The following DSCAM variants were observed in gnomAD, a reference collection of about 807,000 sequenced individuals.
DSCAM encodes DS cell adhesion molecule.
In DSCAM, 47 loss-of-function variants were observed where a neutral mutation model predicts 217.7. That is an observed-to-expected ratio of 0.22 (90% CI 0.17 to 0.28). The LOEUF is 0.28. Among genes scored for constraint, DSCAM ranks in the 10% least tolerant of loss-of-function variants. The probability of loss-of-function intolerance (pLI) is 1.00; values close to 1 mark genes in which losing one functional copy is unlikely to be tolerated. For missense variants in DSCAM, 2,080 were observed against 2,618.3 expected, an observed-to-expected ratio of 0.79 and a Z score of 4.49; for synonymous variants, 1,056 against 1,015.3, an observed-to-expected ratio of 1.04 and a Z score of -0.76.
In DSCAM at chr21:40,433,346, TAAAAAAA is replaced by T. The variant is rs10678618; in HGVS notation, c.509-64108_509-64102del. 1.5e-4 allele frequency among the ~76,000 whole-genome samples: 14 copies of T among 93,720 alleles called. No homozygotes were observed. In the East Asian group the frequency reaches 3.7e-3, roughly 25 times the overall value. The allele number at this position is 93,720 out of a possible 152,430, so 61.5% of individuals were successfully genotyped here. A position where few individuals can be genotyped will look rare whatever the true frequency, so the allele number is the denominator to read the frequency against. Reference sequence around the variant, plus strand: ...TTGGGTGACAGAGTAAGACTCCGTCTAAAAAAAAAAAAAAAAAAAAAGAGCACCTGCA... The same window carrying T: ...TTGGGTGACAGAGTAAGACTCCGTCTAAAAAAAAAAAAAAGAGCACCTGCA... On this transcript the variant is annotated intron_variant, in intron 3 of 32. Transcript: ENST00000400454.
At chr21:40,370,874 G>C (rs1035421830) in intron 3 of DSCAM, among the ~76,000 whole-genome samples, 1 of 151,934 alleles carries the variant, frequency 6.6e-6, no homozygotes, top group African/African-American at 2.4e-5. Context: ...CACCCGTCTT[G>C]GCCTCCCAAA....
intron 27 of DSCAM, among the ~76,000 whole-genome samples, chr21:40,072,613 GC>G (rs2146540092): frequency 1.3e-5 from 2 of 152,252 alleles, no homozygotes; most frequent in East Asian, 1.9e-4. Context: ...CTCCCAAAGT[GC>G]TAGGATTACA....
At chr21:40,500,349 T>C (rs1346617991) in intron 3 of DSCAM, among the ~76,000 whole-genome samples, 1 of 152,240 alleles carries the variant, frequency 6.6e-6, no homozygotes, top group Non-Finnish European at 1.5e-5. Context: ...CTTATTTCTG[T>C]AGTCTATGTC....
intron 27 of DSCAM, among the ~76,000 whole-genome samples, chr21:40,072,467 C>T (rs917089479): frequency 1.3e-5 from 2 of 151,944 alleles, no homozygotes; most frequent in South Asian, 2.1e-4. Context: ...CTGCCTCAGC[C>T]TCCCAAGTAG....
chr21:40,612,638 T>C (rs1440568365), intron 3 of DSCAM, among the ~76,000 whole-genome samples: 1 of 152,210 alleles, frequency 6.6e-6, no homozygotes, highest in Non-Finnish European at 1.5e-5. Context: ...ACATAGCCAA[T>C]GGCAGTTTTA....
At chr21:40,753,619 G>C (rs1014484545) in intron 1 of DSCAM, among the ~76,000 whole-genome samples, 4 of 152,182 alleles carry the variant, frequency 2.6e-5, no homozygotes, top group African/African-American at 9.7e-5. Flanking sequence ...AGAGTAGCCA[G>C]AGGTAGGCTT....
chr21:40,312,287 A>G lies in DSCAM; in HGVS notation c.1856T>C (p.Val619Ala). ...CGTGATGGGTAAGTCCCCTGAGACC[A>G]CAACACAGGGGATGAAGACCCGCTG... Reference protein sequence around the residue: ...IGQRVFIPCVVVSGDLPITIT... With the variant: ...IGQRVFIPCVAVSGDLPITIT... Residue 619 changes from valine (V) to alanine (A), a missense_variant, in exon 9 of 33, where the codon GTG (valine) becomes GCG (alanine). Val to Ala is a moderately conservative substitution (Grantham distance 64). Around this residue, in one of 5 missense-constraint regions of DSCAM, gnomAD observed 218 missense variants for 364.1 expected, o/e 0.60. Coordinates refer to ENST00000400454, the MANE Select transcript of DSCAM (RefSeq NM_001389.5). 1 of 1,614,152 alleles carries G rather than the reference A, an allele frequency of 6.2e-7. No homozygotes were observed. Among genetic ancestry groups the G allele is most frequent in the Non-Finnish European group, 8.5e-7 (1 of 1,180,022 alleles).
intron 6 of DSCAM, 98 bp downstream of exon 6, chr21:40,347,572 A>C (rs2074572326): frequency 2.0e-6 from 3 of 1,521,160 alleles, no homozygotes; most frequent in South Asian, 2.5e-5. Context: ...AGAGCCTAGA[A>C]CTGAGCGATC....
At chr21:40,659,715 G>A (rs993055174) in intron 3 of DSCAM, among the ~76,000 whole-genome samples, 2 of 151,760 alleles carry the variant, frequency 1.3e-5, no homozygotes, top group African/African-American at 2.4e-5. Context: ...TCTATCGATC[G>A]ATCCATCCAT....
rs916103973 is a variant in DSCAM at position 40,257,007 on chromosome 21, C to A, written c.2356+19090G>T. 3.7e-4 allele frequency among the ~76,000 whole-genome samples: 56 copies of A among 152,208 alleles called. 1 individual carries two copies. Among genetic ancestry groups the A allele is most frequent in the Admixed American group, 3.5e-3 (53 of 15,274 alleles). On this transcript the variant is annotated intron_variant, in intron 11 of 32. Coordinates refer to ENST00000400454, the MANE Select transcript of DSCAM (RefSeq NM_001389.5). ...TCCTTTGGTGATGTTCATGCCTCTC[C>A]TTAATGTCCCGTAACTTTACTACTA...
chr21:40,609,442 T>C (rs1303304857), intron 3 of DSCAM, among the ~76,000 whole-genome samples: 6 of 152,188 alleles, frequency 3.9e-5, no homozygotes, highest in South Asian at 2.1e-4. Flanking sequence ...ACCTTTTCAT[T>C]ATGTTTTGCC....
chr21:40,347,991 T>C lies in DSCAM; in HGVS notation c.935-46A>G, dbSNP rs776371649. The C allele has an allele frequency of 3.8e-6, 6 of 1,566,000 alleles. No individual in the cohort carries two copies. In the African/African-American group the frequency reaches 8.2e-5, roughly 21 times the overall value. The stretch of plus-strand genomic sequence containing the variant: ...GAGAGAAAAAAGATAAAAACATCAC[T>C]AGATAGCATTTCGACAACAGGCTGG... On this transcript the variant is annotated intron_variant, in intron 5 of 32. Coordinates refer to ENST00000400454, the MANE Select transcript of DSCAM (RefSeq NM_001389.5).
intron 3 of DSCAM, among the ~76,000 whole-genome samples, chr21:40,455,117 C>G (rs575662953): frequency 7.9e-5 from 12 of 152,036 alleles, no homozygotes; most frequent in African/African-American, 2.7e-4. Flanking sequence ...CACCAAAAAG[C>G]GAGACATAGA....
intron 14 of DSCAM, among the ~76,000 whole-genome samples, chr21:40,183,368 C>G (rs2090859048): frequency 6.6e-6 from 1 of 152,168 alleles, no homozygotes; most frequent in Admixed American, 6.5e-5. Context: ...TAATTGCCAC[C>G]TATGGGAGAA....
intron 3 of DSCAM, among the ~76,000 whole-genome samples, chr21:40,381,074 A>AAAAAAAAAAAAAAAC (rs1569095596): frequency 4.8e-5 from 7 of 147,116 alleles, no homozygotes; most frequent in African/African-American, 1.8e-4. Context: ...AAAAAAAAAA[A>AAAAAAAAAAAAAAAC]AAAAAAAAAA....
rs971444983 is a variant in DSCAM, at chr21:40,047,136, C to T, written c.5186-2861G>A. ...TTCTGTACTGCGCTAGGCAGGCATCCTAGGGTCAAAATTGCCTCAGTATGT... is the reference window on the plus strand; with the variant it reads ...TTCTGTACTGCGCTAGGCAGGCATCTTAGGGTCAAAATTGCCTCAGTATGT... On this transcript the variant is annotated intron_variant, in intron 30 of 32. Coordinates refer to ENST00000400454, the MANE Select transcript of DSCAM (RefSeq NM_001389.5). 2.6e-5 allele frequency among the ~76,000 whole-genome samples: 4 copies of T among 152,068 alleles called. No individual in the cohort carries two copies. The South Asian group carries it at 6.2e-4, about 24-fold the overall frequency.
At chr21:40,629,601 C>T (rs769647157) in intron 3 of DSCAM, 7 of 152,190 alleles carry the variant, frequency 4.6e-5, no homozygotes, top group Non-Finnish European at 1.0e-4. Context: ...CATGCTCCCT[C>T]AGTGTGGAAG....
chr21:40,169,972 G>T (rs1047300166), intron 15 of DSCAM, among the ~76,000 whole-genome samples: 4 of 152,010 alleles, frequency 2.6e-5, no homozygotes, highest in Non-Finnish European at 5.9e-5. Flanking sequence ...CATTAATTCT[G>T]GTCTCTATTG....
At chr21:40,735,487 T>G (rs1055485353) in intron 1 of DSCAM, among the ~76,000 whole-genome samples, 1 of 152,246 alleles carries the variant, frequency 6.6e-6, no homozygotes, top group Non-Finnish European at 1.5e-5. Context: ...TGCAAACTCT[T>G]GCCCAGTATT....
Sources: gnomAD v4.1 joint callset for allele counts (sites outside exome capture counted in the v4.1 genomes callset) on GRCh38, gnomAD v4.1.1 for gene constraint, gnomAD v4.1.1 regional missense constraint, MANE v1.5 for transcripts, NCBI Gene and HGNC (gene_info 2026-07-23, HGNC 2026-07-21) for gene names.